The following ZMPSTE24 variants were observed in gnomAD, a reference collection of about 807,000 sequenced individuals.
ZMPSTE24 encodes the protein zinc metallopeptidase STE24.
Under a neutral mutation model 56.7 loss-of-function variants are expected in ZMPSTE24, and 48 were observed. The observed-to-expected ratio is 0.85, with a 90% CI of 0.67 to 1.08. ZMPSTE24 has a LOEUF of 1.08. ZMPSTE24 is among the 50% of genes least tolerant of loss of function. ZMPSTE24 has a pLI of 0.00. For missense variants in ZMPSTE24, 503 were observed against 548.7 expected (o/e 0.92, Z 0.83); for synonymous variants, 172 against 195.2 (o/e 0.88, Z 0.99).
chr1:40,283,108 G>C (rs925925397), intron 7 of ZMPSTE24, among the ~76,000 whole-genome samples: 4 of 152,174 alleles, frequency 2.6e-5, no homozygotes, highest in African/African-American at 4.8e-5. Flanking sequence ...ATTCTGTGAA[G>C]GGATTAGAAG....
chr1:40,260,766 T>A, intron 1 of ZMPSTE24, 73 bp from the exon 2 acceptor site: 1 of 1,506,580 alleles, frequency 6.6e-7, no homozygotes, highest in Non-Finnish European at 9.2e-7. Context: ...TATAAACCAT[T>A]CGATGTTTGA....
intron 3 of ZMPSTE24, among the ~76,000 whole-genome samples, chr1:40,268,205 G>A (rs886148905): frequency 3.3e-5 from 5 of 152,180 alleles, no homozygotes; most frequent in Non-Finnish European, 4.4e-5. Flanking sequence ...CTTTCATATA[G>A]TGCCTGTGTA....
intron 5 of ZMPSTE24, 65 bp downstream of exon 5, chr1:40,270,192 A>G: frequency 6.5e-7 from 1 of 1,545,908 alleles, no homozygotes; most frequent in Non-Finnish European, 8.9e-7. Context: ...TGTAATCTTC[A>G]TTGGCATGTA....
At chr1:40,279,087 G>A (rs61779104) in intron 6 of ZMPSTE24, among the ~76,000 whole-genome samples, 7,445 of 152,254 alleles carry the variant, frequency 0.049, 522 homozygotes, top group African/African-American at 0.16. Context: ...GCTGCAGTGA[G>A]CCATGATTAT....
chr1:40,279,106 A>G (rs1196312495), intron 6 of ZMPSTE24, among the ~76,000 whole-genome samples: 2 of 152,228 alleles, frequency 1.3e-5, no homozygotes, highest in East Asian at 3.8e-4. Flanking sequence ...ATGCCATTGC[A>G]TTGCAGCCTA....
intron 4 of ZMPSTE24, 59 bp downstream of exon 4, chr1:40,268,594 C>T: frequency 1.8e-6 from 2 of 1,107,998 alleles, no homozygotes; most frequent in South Asian, 2.6e-5. Flanking sequence ...TGCTTTTGTC[C>T]TGTACTGTTT....
chr1:40,267,975 T>C (rs1643572405), intron 3 of ZMPSTE24, 103 bp downstream of exon 3: 6 of 1,005,324 alleles, frequency 6.0e-6, no homozygotes, highest in Admixed American at 5.1e-5. Context: ...AAGATTTGCC[T>C]CTCTGTTTGC....
intron 6 of ZMPSTE24, among the ~76,000 whole-genome samples, chr1:40,279,018 G>A (rs181246260): frequency 6.6e-6 from 1 of 152,164 alleles, no homozygotes; most frequent in Non-Finnish European, 1.5e-5. Context: ...GTATGTGTCT[G>A]TAGTCCTAGC....
Position 40,285,878 on chromosome 1 carries a change from C to G in ZMPSTE24, c.955-47C>G, listed in dbSNP as rs201023500. On this transcript the variant is annotated intron_variant, in intron 7 of 9. Coordinates refer to ENST00000372759, the MANE Select transcript of ZMPSTE24 (RefSeq NM_005857.5). The stretch of plus-strand genomic sequence containing the variant: ...GCTATTACTGGGTTAAAAGATAAAA[C>G]TTTTTAAAGGTTCTCAATAATTTAT... 2.6e-6 allele frequency: 4 copies of G among 1,509,760 alleles called. No individual in the cohort carries two copies. The East Asian group carries it at 9.7e-5, about 37-fold the overall frequency. 93.5% of individuals were successfully genotyped at this position (1,509,760 alleles called of 1,614,324 possible). A position where few individuals can be genotyped will look rare whatever the true frequency, so the allele number is the denominator to read the frequency against.
chr1:40,291,126 C>T (rs1245354079), intron 9 of ZMPSTE24, 129 bp downstream of exon 9: 2 of 1,241,784 alleles, frequency 1.6e-6, no homozygotes, highest in Non-Finnish European at 2.2e-6. Context: ...GTCTTTTAGT[C>T]CCCTGATTCA....
chr1:40,273,541 T>TATATAG (rs1643636941), intron 6 of ZMPSTE24, among the ~76,000 whole-genome samples: 1 of 56,532 alleles, frequency 1.8e-5, no homozygotes, highest in Non-Finnish European at 3.1e-5. Flanking sequence ...AAAAAAAATA[T>TATATAG]ATATATATAT....
At chr1:40,277,404 G>A (rs959671294) in intron 6 of ZMPSTE24, among the ~76,000 whole-genome samples, 1 of 152,054 alleles carries the variant, frequency 6.6e-6, no homozygotes. Flanking sequence ...TTAAACTTTA[G>A]TAAGTATAAA....
chr1:40,275,477 C>T (rs527526635), intron 6 of ZMPSTE24, among the ~76,000 whole-genome samples: 1 of 151,338 alleles, frequency 6.6e-6, no homozygotes, highest in East Asian at 2.0e-4. Flanking sequence ...TTTGGCCAGG[C>T]GTGGTGGCTC....
chr1:40,282,239 A>G (rs1643738010), intron 7 of ZMPSTE24, among the ~76,000 whole-genome samples: 1 of 152,244 alleles, frequency 6.6e-6, no homozygotes. Flanking sequence ...ACATTTCTCA[A>G]ATCTGACATG....
rs543312743 is a variant in ZMPSTE24 at position 40,272,480 on chromosome 1, T to G, written c.769+445T>G. Among the ~76,000 whole-genome samples the G allele has an allele frequency of 2.6e-5, 4 of 152,336 alleles. No homozygotes were observed. In the East Asian group the frequency reaches 7.7e-4, roughly 29 times the overall value. On this transcript the variant is annotated intron_variant, in intron 6 of 9. Transcript: ENST00000372759. ...AGCCAGTGTTATTGGCCTTGTCTCC[T>G]CCAAGAAAATATCCAGTGTTCTGGA... is the stretch of plus-strand genomic sequence containing the variant.
chr1:40,286,844 C>T (rs568675408), intron 8 of ZMPSTE24, among the ~76,000 whole-genome samples: 106 of 151,508 alleles, frequency 7.0e-4, no homozygotes, highest in Non-Finnish European at 6.0e-4. Flanking sequence ...TCCCCTGCCT[C>T]AGCCTCCTGA....
rs941968799 is a variant in ZMPSTE24, at chr1:40,293,634, G to A, written c.*965G>A. 6.6e-6 allele frequency: 1 copy of A among 152,222 alleles called. No individual in the cohort carries two copies. The highest frequency in any genetic ancestry group is 2.4e-5 in the African/African-American group (1 of 41,456). The allele number at this position is 152,222 out of a possible 1,614,324, so 9.4% of individuals were successfully genotyped here. A position where few individuals can be genotyped will look rare whatever the true frequency, so the allele number is the denominator to read the frequency against. ...TAGTTTTCTATCTCTTTCAAGGGCA[G>A]AAGAGTTTTCATTTTTATTTTTGTA... On this transcript the variant is annotated 3_prime_UTR_variant, in exon 10 of 10. Coordinates refer to ENST00000372759, the MANE Select transcript of ZMPSTE24 (RefSeq NM_005857.5).
Position 40,293,950 on chromosome 1 carries a change from G to A in ZMPSTE24, c.*1281G>A, listed in dbSNP as rs545555388. The stretch of plus-strand genomic sequence containing the variant: ...ATCTGACCATAAAGTCTTTTGCTCC[G>A]CTGACATTTGGGTGATGTCTTCACA... On this transcript the variant is annotated 3_prime_UTR_variant, in exon 10 of 10. Transcript: ENST00000372759. 4.6e-5 allele frequency: 7 copies of A among 152,564 alleles called. No individual in the cohort carries two copies. The highest frequency in any genetic ancestry group is 1.2e-4 in the African/African-American group (5 of 41,524). 9.5% of individuals were successfully genotyped at this position (152,564 alleles called of 1,614,324 possible).
intron 6 of ZMPSTE24, among the ~76,000 whole-genome samples, chr1:40,275,770 A>T (rs1253858933): frequency 6.6e-6 from 1 of 151,744 alleles, no homozygotes; most frequent in African/African-American, 2.4e-5. Context: ...AAAAAAAAAA[A>T]AAAACAACGT....
Sources: allele counts gnomAD v4.1 joint callset (sites outside exome capture counted in the v4.1 genomes callset), GRCh38; gene constraint gnomAD v4.1.1; transcripts MANE v1.5; gene names NCBI Gene and HGNC (gene_info 2026-07-23, HGNC 2026-07-21).